RFTN1: variants seen among roughly 807,000 people sequenced by gnomAD.
RFTN1 encodes raftlin, lipid raft linker 1.
A neutral mutation model predicts 46.5 loss-of-function variants in RFTN1; 26 were observed. That is an observed-to-expected ratio of 0.56 (90% CI 0.41 to 0.78). The LOEUF (loss-of-function observed/expected upper bound fraction) is 0.78. RFTN1 is among the 30% of genes least tolerant of loss of function. The pLI is 0.00. For synonymous variants in RFTN1, 261 were observed against 284.2 expected, an observed-to-expected ratio of 0.92 and a Z score of 0.82; for missense variants, 693 against 718.7, an observed-to-expected ratio of 0.96 and a Z score of 0.41.
intron 3 of RFTN1, among the ~76,000 whole-genome samples, chr3:16,415,430 T>TATATATATATACACACACACACAC: frequency 8.8e-6 from 1 of 114,276 alleles, no homozygotes; most frequent in Non-Finnish European, 2.0e-5. Context: ...TATATATATA[T>TATATATATATACACACACACACAC]ACACACACAC....
Position 16,326,781 on chromosome 3 carries a change from C to T in RFTN1, c.1242G>A (p.Lys414=), listed in dbSNP as rs755067050. 6.2e-7 allele frequency: 1 copy of T among 1,613,840 alleles called. No individual in the cohort carries two copies. The highest frequency in any genetic ancestry group is 1.1e-5 in the South Asian group (1 of 91,056). ...ATTACTGTTATTGTTACCTGGTAGT[C>T]TTGACGACGGGAGTTGGTAGCACAC... ...LTCVLPTPVV[K]TTSEGSVSTK... The change falls in exon 8 of 10, where the codon AAG becomes AAA. Residue 414 remains lysine (K), a synonymous_variant. Transcript: ENST00000334133.
rs1376727758 is a variant in RFTN1 at position 16,322,112 on chromosome 3, G to A, written c.1332+1264C>T. ...TGCATGCAGTTCCCGTGAGCCTGTG[G>A]CTGAGCTGAAACTGACAGCGCTCTG... On this transcript the variant is annotated intron_variant, in intron 9 of 9. Transcript: ENST00000334133. This position sits in a 1 kb window ranked among gnomAD's most constrained non-coding sequence, Gnocchi z 6.2. 6.6e-6 allele frequency among the ~76,000 whole-genome samples: 1 copy of A among 152,234 alleles called. No individual in the cohort carries two copies. The highest frequency in any genetic ancestry group is 2.4e-5 in the African/African-American group (1 of 41,458).
chr3:16,485,967 T>C (rs2076440961), intron 2 of RFTN1, among the ~76,000 whole-genome samples: 1 of 152,214 alleles, frequency 6.6e-6, no homozygotes, highest in South Asian at 2.1e-4. Context: ...GAAAAATACC[T>C]TCCTTTCAAC....
In RFTN1 at chr3:16,378,032, G is replaced by A. The variant is rs148740330; in HGVS notation, c.512C>T (p.Ser171Leu). The change falls in exon 5 of 10, where the codon TCG (serine) becomes TTG (leucine). Residue 171 changes from serine to leucine, a missense_variant. Ser to Leu is a moderately radical substitution (Grantham distance 145). Transcript: ENST00000334133. ...VIPQYHSSVNSAGSSAPVSTA... is the reference protein window; with the variant it reads ...VIPQYHSSVNLAGSSAPVSTA... ...AGACACCGGAGCACTGCTGCCTGCC[G>A]AGTTCACAGAGGAATGGTACTGAGG... 1,107 of 1,614,240 alleles carry A rather than the reference G, an allele frequency of 6.9e-4. 6 individuals are homozygous for A. The African/African-American group carries it at 0.013, about 19-fold the overall frequency.
chr3:16,377,248 A>G (rs2073811249), intron 5 of RFTN1, among the ~76,000 whole-genome samples: 1 of 152,058 alleles, frequency 6.6e-6, no homozygotes, highest in Non-Finnish European at 1.5e-5. Context: ...CTGGGTTCAT[A>G]TGCCCGAACT....
At chr3:16,372,672 C>G (rs1285294201) in intron 5 of RFTN1, among the ~76,000 whole-genome samples, 1 of 152,146 alleles carries the variant, frequency 6.6e-6, no homozygotes, top group Non-Finnish European at 1.5e-5. Flanking sequence ...ATAACTTTCC[C>G]AAATGCGTAA....
chr3:16,445,257 G>C (rs190650312), intron 2 of RFTN1, among the ~76,000 whole-genome samples: 4 of 152,170 alleles, frequency 2.6e-5, no homozygotes, highest in Non-Finnish European at 4.4e-5. Context: ...TGATTGCTCT[G>C]ATACCTTCTC....
At chr3:16,503,311 T>G (rs2076745346) in intron 1 of RFTN1, among the ~76,000 whole-genome samples, 1 of 152,166 alleles carries the variant, frequency 6.6e-6, no homozygotes, top group Non-Finnish European at 1.5e-5. Context: ...TGAATCAGAA[T>G]CTGTATTTGA....
At chr3:16,319,719 C>T (rs1165166876) in intron 9 of RFTN1, among the ~76,000 whole-genome samples, 1 of 152,162 alleles carries the variant, frequency 6.6e-6, no homozygotes, top group Non-Finnish European at 1.5e-5. Flanking sequence ...AAAACGAGAA[C>T]ACAAATGGTA....
At chr3:16,358,889 G>A (rs2072643051) in intron 6 of RFTN1, among the ~76,000 whole-genome samples, 1 of 151,914 alleles carries the variant, frequency 6.6e-6, no homozygotes, top group East Asian at 1.9e-4. Context: ...AAAATTAGCT[G>A]GGCGTGGCAG....
chr3:16,511,854 A>T (rs2076907298), intron 1 of RFTN1, among the ~76,000 whole-genome samples: 1 of 152,104 alleles, frequency 6.6e-6, no homozygotes. Flanking sequence ...TCTACTAGCT[A>T]ACTGCACAAC....
chr3:16,488,793 G>C (rs540849285), intron 2 of RFTN1, among the ~76,000 whole-genome samples: 14 of 152,210 alleles, frequency 9.2e-5, no homozygotes, highest in Non-Finnish European at 1.8e-4. Context: ...CCATTTCCTT[G>C]TCTGCAAAAA....
rs2074893750 is a variant in RFTN1, at chr3:16,407,746, C to T, written c.441+1629G>A. ...GAAAGCTACATGCGTTATTAAAACA[C>T]TTGTGTTCTCAGGCTTATGCGTATG... On this transcript the variant is annotated intron_variant, in intron 4 of 9. Transcript: ENST00000334133. The surrounding 1 kb of genome is among the most constrained non-coding windows in gnomAD (Gnocchi z 4.0). Among the ~76,000 whole-genome samples, 2 of 152,176 alleles carry T rather than the reference C, an allele frequency of 1.3e-5. No individual in the cohort carries two copies. The highest frequency in any genetic ancestry group is 6.5e-5 in the Admixed American group (1 of 15,276).
rs1409835418 is a variant in RFTN1 at position 16,381,563 on chromosome 3, T to C, written c.442-3461A>G. Among the ~76,000 whole-genome samples the C allele has an allele frequency of 2.0e-5, 3 of 152,090 alleles. No individual in the cohort carries two copies. The highest frequency in any genetic ancestry group is 4.8e-5 in the African/African-American group (2 of 41,428). ...AAGCATTCAAATCCAATTTTTTTTT[T>C]CCAAAATGCCATGCTAGACAAAACC... On this transcript the variant is annotated intron_variant, in intron 4 of 9. Coordinates refer to ENST00000334133, the MANE Select transcript of RFTN1 (RefSeq NM_015150.2). The surrounding 1 kb of genome is among the most constrained non-coding windows in gnomAD (Gnocchi z 4.2).
At chr3:16,388,395 T>C (rs2074259183) in intron 4 of RFTN1, among the ~76,000 whole-genome samples, 1 of 152,238 alleles carries the variant, frequency 6.6e-6, no homozygotes, top group Non-Finnish European at 1.5e-5. Context: ...AAATTTGCAG[T>C]ATCTGAGGTT....
Position 16,465,510 on chromosome 3 carries a change from G to A in RFTN1, c.145+28215C>T, listed in dbSNP as rs1462861342. ...AAAAATCCAAAATCCAATACAGTTC[G>A]AAACTTAACAATAATTTAAAAGAAA... is the stretch of plus-strand genomic sequence containing the variant. On this transcript the variant is annotated intron_variant, in intron 2 of 9. Transcript: ENST00000334133. This position sits in a 1 kb window ranked among gnomAD's most constrained non-coding sequence, Gnocchi z 5.1. 6.6e-6 allele frequency among the ~76,000 whole-genome samples: 1 copy of A among 151,664 alleles called. No homozygotes were observed.
At chr3:16,378,250 C>T in intron 4 of RFTN1, 148 bp from the exon 5 acceptor site, 1 of 653,718 alleles carries the variant, frequency 1.5e-6, no homozygotes. Flanking sequence ...TCCATGTCCT[C>T]AGGGGCACCT....
chr3:16,357,960 A>G lies in RFTN1; in HGVS notation c.1118T>C (p.Ile373Thr), dbSNP rs1400496710. ...DSKTIQGYDA[I>T]VVEQWTVLEG... Reference sequence around the variant, plus strand: ...CAGGACTGTCCATTGTTCAACCACAATAGCATCATAGCCCTGTATGGTTTT... The same window carrying G: ...CAGGACTGTCCATTGTTCAACCACAGTAGCATCATAGCCCTGTATGGTTTT... Residue 373 changes from isoleucine to threonine, a missense_variant, in exon 7 of 10, where the codon ATT becomes ACT. Physicochemically the swap from Ile to Thr is moderately conservative, Grantham distance 89. Transcript: ENST00000334133. 3.7e-6 allele frequency: 6 copies of G among 1,611,610 alleles called. No individual in the cohort carries two copies. The highest frequency in any genetic ancestry group is 1.7e-5 in the Admixed American group (1 of 59,906).
chr3:16,430,103 C>CG (rs35309211), intron 3 of RFTN1, among the ~76,000 whole-genome samples: 10,872 of 151,214 alleles, frequency 0.072, 505 homozygotes, highest in Middle Eastern at 0.13. Context: ...AGAAAAAGTC[C>CG]GTTTTTTTTT....
Sources: allele counts gnomAD v4.1 joint callset (sites outside exome capture counted in the v4.1 genomes callset), GRCh38; gene constraint gnomAD v4.1.1; non-coding constraint Gnocchi (gnomAD v3.1); transcripts MANE v1.5; gene names NCBI Gene and HGNC (gene_info 2026-07-23, HGNC 2026-07-21).